ZKSCAN7: variants seen among roughly 807,000 people sequenced by gnomAD.
ZKSCAN7 encodes zinc finger protein with KRAB and SCAN domains 7.
A neutral mutation model predicts 65.3 loss-of-function variants in ZKSCAN7; 38 were observed. That is an observed-to-expected ratio of 0.58 (90% CI 0.45 to 0.76). ZKSCAN7 has a LOEUF of 0.76. Ranked by LOEUF, ZKSCAN7 falls within the 30% of genes least tolerant of loss-of-function variation. The pLI is 0.00. For missense variants in ZKSCAN7, 815 were observed against 913.3 expected (o/e 0.89, Z 1.39); for synonymous variants, 321 against 321.0 (o/e 1.00, Z 0.00).
At chr3:44,572,492 C>G (rs1002599922), downstream of ZKSCAN7, among the ~76,000 whole-genome samples, 1 of 151,768 alleles carries the variant, frequency 6.6e-6, no homozygotes, top group Admixed American at 6.6e-5. Context: ...TACGGACTTT[C>G]CCCTACATGC....
In ZKSCAN7 at chr3:44,571,369, T is replaced by TG; in HGVS notation, c.2259_2260insG (p.Ser754ValfsTer51). The TG allele has an allele frequency of 6.2e-7, 1 of 1,613,990 alleles. No individual in the cohort carries two copies. Among genetic ancestry groups the TG allele is most frequent in the Non-Finnish European group, 8.5e-7 (1 of 1,180,044 alleles). On this transcript the variant is annotated frameshift_variant, in exon 6 of 6. Transcript: ENST00000426540. LOFTEE classifies it high-confidence loss of function. ...AGTCCTCAGGTCTGGCTTGGTCAGT[T>TG]TCTTAAGGTATGGTTCTCTGAGACA... is the stretch of plus-strand genomic sequence containing the variant.
At chr3:44,577,774 A>G (rs1476367670) in intron 5 of ZKSCAN7, among the ~76,000 whole-genome samples, 1 of 152,224 alleles carries the variant, frequency 6.6e-6, no homozygotes, top group African/African-American at 2.4e-5. Flanking sequence ...GGTGTGGACA[A>G]CCCAGAAGCC....
At chr3:44,577,360 G>T (rs1399352717) in intron 5 of ZKSCAN7, among the ~76,000 whole-genome samples, 1 of 151,948 alleles carries the variant, frequency 6.6e-6, no homozygotes, top group African/African-American at 2.4e-5. Flanking sequence ...GATTCTCAGG[G>T]GTGTGGTTCT....
intron 2 of ZKSCAN7, among the ~76,000 whole-genome samples, chr3:44,557,780 G>A (rs7627501): frequency 1.3e-5 from 2 of 152,122 alleles, no homozygotes; most frequent in Non-Finnish European, 2.9e-5. Flanking sequence ...GGGGGAAGGC[G>A]GGCCTTTGGG....
At chr3:44,563,465 G>A (rs893997358) in intron 2 of ZKSCAN7, among the ~76,000 whole-genome samples, 1 of 152,178 alleles carries the variant, frequency 6.6e-6, no homozygotes, top group Non-Finnish European at 1.5e-5. Context: ...AGGCTTAACA[G>A]AAAGCATGAC....
intron 2 of ZKSCAN7, among the ~76,000 whole-genome samples, chr3:44,563,967 A>G (rs1346588741): frequency 1.3e-5 from 2 of 152,166 alleles, no homozygotes; most frequent in Non-Finnish European, 2.9e-5. Context: ...TCCTACCACT[A>G]CACTGGTGAG....
intron 2 of ZKSCAN7, among the ~76,000 whole-genome samples, chr3:44,562,347 CCCA>C (rs571227623): frequency 2.1e-3 from 317 of 152,312 alleles, no homozygotes; most frequent in African/African-American, 7.1e-3. Context: ...CTGGGCCTAG[CCCA>C]TGAAACCATT....
chr3:44,566,530 A>C (rs1240730858), intron 3 of ZKSCAN7, among the ~76,000 whole-genome samples: 1 of 152,156 alleles, frequency 6.6e-6, no homozygotes, highest in African/African-American at 2.4e-5. Context: ...TTGAAAGGGG[A>C]GGCAGGGGAA....
chr3:44,580,638 A>G, intron 5 of ZKSCAN7: 3 of 1,613,894 alleles, frequency 1.9e-6, no homozygotes, highest in Non-Finnish European at 2.5e-6. Flanking sequence ...CTCCGCCCGG[A>G]TGAAATGCTC....
chr3:44,570,018 G>A lies in ZKSCAN7; in HGVS notation c.908G>A (p.Gly303Glu), dbSNP rs767033054. The change falls in exon 6 of 6, where the codon GGG becomes GAG. Residue 303 changes from glycine to glutamate, a missense_variant. Coordinates refer to ENST00000426540, the MANE Select transcript of ZKSCAN7 (RefSeq NM_001288590.2). Reference sequence around the variant, plus strand: ...AACAGGACATCAGGGGGACTCTTTGGGGTGGTTCCTGGGGCAGCAGAGACT... The same window carrying A: ...AACAGGACATCAGGGGGACTCTTTGAGGTGGTTCCTGGGGCAGCAGAGACT... ...SSNRTSGGLF[G>E]VVPGAAETGD... 1.8e-5 allele frequency: 29 copies of A among 1,613,330 alleles called. No homozygotes were observed. Among genetic ancestry groups the A allele is most frequent in the Admixed American group, 1.0e-4 (6 of 59,888 alleles).
chr3:44,565,402 T>C, intron 2 of ZKSCAN7, 85 bp from the exon 3 acceptor site: 1 of 1,360,328 alleles, frequency 7.4e-7, no homozygotes, highest in Non-Finnish European at 9.7e-7. Flanking sequence ...CCTGGCTTTC[T>C]TTCTGGAGGG....
intron 5 of ZKSCAN7, chr3:44,579,960 T>A: frequency 6.9e-7 from 1 of 1,441,614 alleles, no homozygotes; most frequent in East Asian, 2.8e-5. Context: ...AGCCGAGGCG[T>A]CTGGGAGAGG....
At chr3:44,560,373 C>T (rs1699431613) in intron 2 of ZKSCAN7, among the ~76,000 whole-genome samples, 1 of 152,186 alleles carries the variant, frequency 6.6e-6, no homozygotes, top group African/African-American at 2.4e-5. Context: ...TTTTGCTTAT[C>T]AGGAGCAAGC....
intron 2 of ZKSCAN7, among the ~76,000 whole-genome samples, chr3:44,559,921 C>T (rs1360041370): frequency 6.6e-6 from 1 of 152,176 alleles, no homozygotes; most frequent in Admixed American, 6.5e-5. Context: ...AGCAGCTGGG[C>T]CAGCCATGGC....
At position 44,571,925 on chromosome 3, in the gene ZKSCAN7, T is replaced by C. The variant is rs2125726781; in HGVS notation, c.*550T>C. The C allele has an allele frequency of 1.0e-6, 1 of 986,658 alleles. No homozygotes were observed. The allele number at this position is 986,658 out of a possible 1,614,324, so 61.1% of individuals were successfully genotyped here. The stretch of plus-strand genomic sequence containing the variant: ...AATCCATCTCATCACTGAAATACTT[T>C]CTTCTTCAAGTACTTTTTTATTTTT... On this transcript the variant is annotated 3_prime_UTR_variant, in exon 6 of 6. Transcript: ENST00000426540.
At chr3:44,559,847 ATCATTTTCTTTGTGTAAACAAGTAAGC>A (rs2125710317) in intron 2 of ZKSCAN7, among the ~76,000 whole-genome samples, 1 of 152,380 alleles carries the variant, frequency 6.6e-6, no homozygotes, top group East Asian at 1.9e-4. Context: ...ATTATCAACC[ATCATTTTCTTTGTGTAAACAAGTAAGC>A]ACATATGAGT....
At position 44,571,452 on chromosome 3, in the gene ZKSCAN7, C is replaced by T; in HGVS notation, c.*77C>T. The T allele has an allele frequency of 1.2e-6, 2 of 1,601,332 alleles. No homozygotes were observed. Among genetic ancestry groups the T allele is most frequent in the East Asian group, 4.5e-5 (2 of 44,876 alleles). On this transcript the variant is annotated 3_prime_UTR_variant, in exon 6 of 6. Transcript: ENST00000426540. ...ATAAGCAGGATGCTCATAGTGGTTT[C>T]CCGGAGCCAGTAGTCACGGTGGACC...
intron 2 of ZKSCAN7, among the ~76,000 whole-genome samples, chr3:44,562,863 G>A (rs1192070986): frequency 1.2e-4 from 19 of 152,016 alleles, no homozygotes; most frequent in East Asian, 3.9e-4. Context: ...CCAGCTACTC[G>A]GGAGGCTGAG....
intron 5 of ZKSCAN7, 65 bp downstream of exon 5, chr3:44,568,498 T>C: frequency 3.2e-6 from 5 of 1,560,818 alleles, no homozygotes; most frequent in Non-Finnish European, 3.5e-6. Context: ...CTATATTCCT[T>C]GTCTCTTTAA....
Sources: gnomAD v4.1 joint callset for allele counts (sites outside exome capture counted in the v4.1 genomes callset) on GRCh38, gnomAD v4.1.1 for gene constraint, MANE v1.5 for transcripts, NCBI Gene and HGNC (gene_info 2026-07-23, HGNC 2026-07-21) for gene names.